The following RIF1 variants were observed in gnomAD, a reference collection of about 807,000 sequenced individuals.
RIF1 encodes replication timing regulatory factor 1, also known as telomere-associated protein RIF1.
RIF1 carries 45 observed loss-of-function variants against 247.1 expected under a neutral mutation model. That is an observed-to-expected ratio of 0.18 (90% CI 0.14 to 0.23). The LOEUF is 0.23. Ranked by LOEUF, RIF1 falls within the 10% of genes least tolerant of loss-of-function variation. RIF1 has a pLI of 1.00. For synonymous variants in RIF1, 1,087 were observed against 978.8 expected (o/e 1.11, Z -2.06); for missense variants, 2,967 against 2,862.5 (o/e 1.04, Z -0.83).
At chr2:151,454,472 C>A (rs556979319) in intron 21 of RIF1, among the ~76,000 whole-genome samples, 1 of 151,922 alleles carries the variant, frequency 6.6e-6, no homozygotes, top group Non-Finnish European at 1.5e-5. Context: ...AAAAAATGGT[C>A]CGTCATTCTT....
chr2:151,476,117 T>C lies in RIF1; in HGVS notation c.*1046T>C, dbSNP rs1427952423. 6.6e-6 allele frequency: 1 copy of C among 152,088 alleles called. No homozygotes were observed. The highest frequency in any genetic ancestry group is 1.5e-5 in the Non-Finnish European group (1 of 68,006). The allele number at this position is 152,088 out of a possible 1,614,324, so 9.4% of individuals were successfully genotyped here. On this transcript the variant is annotated 3_prime_UTR_variant, in exon 36 of 36. Coordinates refer to ENST00000444746, the MANE Select transcript of RIF1 (RefSeq NM_018151.5). ...CATACCCTTACCTTCTTACTACTTT[T>C]GGTTTGGAGGAGGGTATCACCACTA...
In RIF1 at chr2:151,476,575, G is replaced by C; in HGVS notation, c.*1504G>C. ...CGTATATTCAGGGATCTCTATAAAA[G>C]TTGGTGTCTTTTTTCATCATCATAA... On this transcript the variant is annotated 3_prime_UTR_variant, in exon 36 of 36. Coordinates refer to ENST00000444746, the MANE Select transcript of RIF1 (RefSeq NM_018151.5). 1 of 152,118 alleles carries C rather than the reference G, an allele frequency of 6.6e-6. No individual in the cohort carries two copies. The highest frequency in any genetic ancestry group is 1.9e-4 in the East Asian group (1 of 5,190). The allele number at this position is 152,118 out of a possible 1,614,324, so 9.4% of individuals were successfully genotyped here.
Position 151,445,408 on chromosome 2 carries a change from C to T in RIF1, c.2057C>T (p.Pro686Leu). Reference sequence around the variant, plus strand: ...GCCATCTATGGTGCATTGACTTTACCAGTAAACCACATTTTTTCAGAACAG... The same window carrying T: ...GCCATCTATGGTGCATTGACTTTACTAGTAAACCACATTTTTTCAGAACAG... ...FSAIYGALTL[P>L]VNHIFSEQRF... The change falls in exon 19 of 36, where the codon CCA becomes CTA. Residue 686 changes from proline to leucine, a missense_variant. Physicochemically the swap from Pro to Leu is moderately conservative, Grantham distance 98. Around this residue, in one of 7 missense-constraint regions of RIF1, gnomAD observed 76 missense variants for 113.3 expected, o/e 0.67. Coordinates refer to ENST00000444746, the MANE Select transcript of RIF1 (RefSeq NM_018151.5). The T allele has an allele frequency of 6.2e-7, 1 of 1,603,218 alleles. No homozygotes were observed. Among genetic ancestry groups the T allele is most frequent in the Non-Finnish European group, 8.5e-7 (1 of 1,170,164 alleles).
chr2:151,471,713 T>C (rs1201331603), intron 34 of RIF1, among the ~76,000 whole-genome samples: 1 of 152,254 alleles, frequency 6.6e-6, no homozygotes, highest in Non-Finnish European at 1.5e-5. Flanking sequence ...GGCTCTGTTC[T>C]GTTCCATTGG....
Position 151,461,048 on chromosome 2 carries a change from A to G in RIF1, c.3076-90A>G, listed in dbSNP as rs544269229. ...CAACTTTCATAATCACTATTGAAAA[A>G]TGGTGTCATTATTAGAGGAGAGTGA... On this transcript the variant is annotated intron_variant, in intron 26 of 35. Transcript: ENST00000444746. 2.6e-6 allele frequency: 3 copies of G among 1,169,344 alleles called. No homozygotes were observed. In the African/African-American group the frequency reaches 4.6e-5, roughly 18 times the overall value. 72.4% of individuals were successfully genotyped at this position (1,169,344 alleles called of 1,614,324 possible).
chr2:151,532,097 C>CT, the RIF1 span: 1 of 471,214 alleles, frequency 2.1e-6, no homozygotes, highest in African/African-American at 2.0e-5. Context: ...TAATAATTTC[C>CT]TTTTTTTGTT....
chr2:151,491,686 T>C, intron 9 of RIF1: 1 of 1,586,670 alleles, frequency 6.3e-7, no homozygotes, highest in Non-Finnish European at 8.6e-7. Flanking sequence ...AACACACCAT[T>C]AATCATGTGT....
chr2:151,462,824 C>G (rs1696395010), intron 29 of RIF1, 60 bp from the exon 30 acceptor site: 5 of 1,303,678 alleles, frequency 3.8e-6, no homozygotes, highest in Non-Finnish European at 5.3e-6. Context: ...CCCAGAAAGT[C>G]AAACTCGTTT....
rs766256147 is a variant in RIF1 at position 151,496,963 on chromosome 2, T to C, written c.*513+1637T>C. On this transcript the variant is annotated intron_variant and NMD_transcript_variant, in intron 10 of 13. Coordinates refer to the RIF1 transcript ENST00000454583. ...TACCGAGCTAATATTTTCTTGATTGTGTTTGACTCTCTCCATCTCAGGAGT... is the reference window on the plus strand; with the variant it reads ...TACCGAGCTAATATTTTCTTGATTGCGTTTGACTCTCTCCATCTCAGGAGT... 7.6e-6 allele frequency: 12 copies of C among 1,578,864 alleles called. No individual in the cohort carries two copies. The African/African-American group carries it at 1.3e-4, about 18-fold the overall frequency.
chr2:151,511,730 T>TTC (rs1173007461), downstream of RIF1, among the ~76,000 whole-genome samples: 2 of 152,196 alleles, frequency 1.3e-5, no homozygotes, highest in African/African-American at 4.8e-5. Flanking sequence ...GATGGCCTAC[T>TTC]TTTCTTCATC....
At position 151,494,166 on chromosome 2, in the gene RIF1, T is replaced by C. The variant is rs141240053; in HGVS notation, c.*416-1063T>C. 1.8e-4 allele frequency: 288 copies of C among 1,604,664 alleles called. 3 individuals carry two copies. In the East Asian group the frequency reaches 6.4e-3, roughly 36 times the overall value. On this transcript the variant is annotated intron_variant and NMD_transcript_variant, in intron 9 of 13. Coordinates refer to the RIF1 transcript ENST00000454583. The stretch of plus-strand genomic sequence containing the variant: ...TTTGTTTCTCAAGACAATACCGAGC[T>C]AATGTTTTCTTGATTGCGTTTGACT...
In RIF1 at chr2:151,419,430, A is replaced by G. The variant is rs751841495; in HGVS notation, c.504-760A>G. 2.0e-5 allele frequency among the ~76,000 whole-genome samples: 3 copies of G among 152,036 alleles called. 1 individual carries two copies. The highest frequency in any genetic ancestry group is 2.9e-5 in the Non-Finnish European group (2 of 67,980). ...AACCTCCGCCTCCCGGGTTCAAGCA[A>G]TTCTCCTGCCTCAGCCTCCCAAGTA... On this transcript the variant is annotated intron_variant, in intron 6 of 35. Coordinates refer to ENST00000444746, the MANE Select transcript of RIF1 (RefSeq NM_018151.5).
chr2:151,525,329 T>G, the RIF1 span: 1 of 1,295,554 alleles, frequency 7.7e-7, no homozygotes, highest in Non-Finnish European at 1.1e-6. Context: ...CAGAGTTGGT[T>G]TACTTGAAGA....
chr2:151,458,989 G>A, intron 25 of RIF1, 79 bp downstream of exon 25: 1 of 765,826 alleles, frequency 1.3e-6, no homozygotes, highest in South Asian at 2.1e-5. Context: ...AGTAGAACCT[G>A]AACAGAAAAG....
rs1350234402 is a variant in RIF1, at chr2:151,465,850, A to G, written c.6330A>G (p.Leu2110=). ...NNQMVMESDI[L]QEDHHTSQKV... is the part of the protein sequence containing the mutation. ...AAATGGTAATGGAAAGTGATATTTT[A>G]CAGGAAGATCACCATACTTCACAGA... is the stretch of plus-strand genomic sequence containing the variant. Residue 2110 remains leucine (L), a synonymous_variant, in exon 30 of 36, where the codon TTA becomes TTG. Transcript: ENST00000444746. 1.2e-6 allele frequency: 2 copies of G among 1,612,698 alleles called. No individual in the cohort carries two copies. The highest frequency in any genetic ancestry group is 2.2e-5 in the East Asian group (1 of 44,894).
chr2:151,524,287 C>G, the RIF1 span: 5 of 1,585,390 alleles, frequency 3.2e-6, no homozygotes, highest in African/African-American at 5.4e-5. Context: ...ACATGAGAGC[C>G]ACCAGTGCAC....
the RIF1 span, chr2:151,530,868 A>G: frequency 4.8e-6 from 3 of 628,252 alleles, no homozygotes; most frequent in East Asian, 2.8e-5. Context: ...AGAGATGACT[A>G]TTATTTTAAG....
chr2:151,435,843 A>G (rs1039627008), intron 11 of RIF1, among the ~76,000 whole-genome samples: 10 of 151,488 alleles, frequency 6.6e-5, no homozygotes, highest in African/African-American at 2.4e-4. Context: ...TTTTTTCAGT[A>G]CATTATGTGA....
the RIF1 span, among the ~76,000 whole-genome samples, chr2:151,522,427 G>GT: frequency 6.6e-6 from 1 of 152,134 alleles, no homozygotes; most frequent in African/African-American, 2.4e-5. Context: ...TTCTCAGTTT[G>GT]TTTTCATTTC....
Sources: allele counts gnomAD v4.1 joint callset (sites outside exome capture counted in the v4.1 genomes callset), GRCh38; gene constraint gnomAD v4.1.1; regional missense constraint gnomAD v4.1.1; transcripts MANE v1.5; gene names NCBI Gene and HGNC (gene_info 2026-07-23, HGNC 2026-07-21).